TMPRSS11D: variants seen among roughly 807,000 people sequenced by gnomAD.
TMPRSS11D encodes transmembrane protease serine 11D.
Under a neutral mutation model 44.4 loss-of-function variants are expected in TMPRSS11D, and 32 were observed. That is an observed-to-expected ratio of 0.72 (90% CI 0.54 to 0.97). TMPRSS11D has a LOEUF of 0.97. Ranked by LOEUF, TMPRSS11D falls within the 50% of genes least tolerant of loss-of-function variation. The pLI is 0.00. For synonymous variants in TMPRSS11D, 179 were observed against 177.9 expected, an observed-to-expected ratio of 1.01 and a Z score of -0.05; for missense variants, 446 against 502.6, an observed-to-expected ratio of 0.89 and a Z score of 1.08.
At position 67,844,987 on chromosome 4, in the gene TMPRSS11D, A is replaced by T. The variant is rs116405241; in HGVS notation, c.250-2362T>A. 7.0e-3 allele frequency among the ~76,000 whole-genome samples: 1,069 copies of T among 152,236 alleles called. 18 individuals are homozygous for T. The highest frequency in any genetic ancestry group is 0.025 in the African/African-American group (1,023 of 41,538). ...CTTGACTTTAATCGAAGTAGAAAAA[A>T]CTGTCACAAAGCTGAAGGAATTGTT... On this transcript the variant is annotated intron_variant, in intron 3 of 9. Coordinates refer to ENST00000283916, the MANE Select transcript of TMPRSS11D (RefSeq NM_004262.3).
At chr4:67,836,170 C>T (rs1718082716) in intron 5 of TMPRSS11D, among the ~76,000 whole-genome samples, 1 of 152,120 alleles carries the variant, frequency 6.6e-6, no homozygotes. Flanking sequence ...CCTCCTCACT[C>T]CTTTTGGTAC....
intron 9 of TMPRSS11D, among the ~76,000 whole-genome samples, chr4:67,825,511 A>G (rs1717769462): frequency 6.6e-6 from 1 of 152,060 alleles, no homozygotes; most frequent in South Asian, 2.1e-4. Context: ...TGAGCTTTGG[A>G]TGGTTAACTA....
At position 67,833,386 on chromosome 4, in the gene TMPRSS11D, T is replaced by A; in HGVS notation, c.515-5A>T. On this transcript the variant is annotated splice_polypyrimidine_tract_variant and splice_region_variant and intron_variant, in intron 6 of 9. Coordinates refer to ENST00000283916, the MANE Select transcript of TMPRSS11D (RefSeq NM_004262.3). ...GGTCTGGACCGGCCCCACATTCTAA[T>A]GAGAAAGGGCATTAATGTGCTGGGA... The A allele has an allele frequency of 6.7e-7, 1 of 1,485,754 alleles. No individual in the cohort carries two copies. The highest frequency in any genetic ancestry group is 9.0e-7 in the Non-Finnish European group (1 of 1,115,626). 92.0% of individuals were successfully genotyped at this position (1,485,754 alleles called of 1,614,324 possible). A position where few individuals can be genotyped will look rare whatever the true frequency, so the allele number is the denominator to read the frequency against.
chr4:67,869,849 A>G (rs895854766), intron 1 of TMPRSS11D, among the ~76,000 whole-genome samples: 1 of 152,344 alleles, frequency 6.6e-6, no homozygotes, highest in Admixed American at 6.5e-5. Context: ...AATGAGACCA[A>G]GGTCAAAGGT....
At chr4:67,827,163 AT>A (rs1174947535) in intron 8 of TMPRSS11D, 97 bp downstream of exon 8, 34 of 1,462,208 alleles carry the variant, frequency 2.3e-5, no homozygotes, top group Non-Finnish European at 2.8e-5. Context: ...CTGTAGAAGA[AT>A]AGAAACACCT....
chr4:67,866,645 A>T, intron 1 of TMPRSS11D, among the ~76,000 whole-genome samples: 1 of 152,136 alleles, frequency 6.6e-6, no homozygotes, highest in East Asian at 1.9e-4. Flanking sequence ...ATGTCTCGGG[A>T]TACAAAATCA....
intron 3 of TMPRSS11D, among the ~76,000 whole-genome samples, chr4:67,851,852 A>T (rs1718518043): frequency 6.6e-6 from 1 of 152,134 alleles, no homozygotes; most frequent in Non-Finnish European, 1.5e-5. Context: ...TCCTACCTTA[A>T]GCCCATCCTT....
intron 3 of TMPRSS11D, among the ~76,000 whole-genome samples, chr4:67,843,023 G>A (rs1718267328): frequency 6.6e-6 from 1 of 151,518 alleles, no homozygotes; most frequent in African/African-American, 2.4e-5. Context: ...TGCTTTTAAT[G>A]GATGAAACCT....
chr4:67,830,050 C>A (rs939161650), intron 7 of TMPRSS11D, among the ~76,000 whole-genome samples: 2 of 151,918 alleles, frequency 1.3e-5, no homozygotes, highest in African/African-American at 4.8e-5. Context: ...GGTCATGCAA[C>A]CTAATTGGAT....
chr4:67,870,916 CTTATT>C (rs1277284582), intron 1 of TMPRSS11D, among the ~76,000 whole-genome samples: 2 of 151,890 alleles, frequency 1.3e-5, no homozygotes, highest in African/African-American at 4.8e-5. Context: ...CCACAATTTA[CTTATT>C]TTGTTTGTTA....
chr4:67,832,498 G>A (rs539337172), intron 7 of TMPRSS11D, among the ~76,000 whole-genome samples: 1 of 151,982 alleles, frequency 6.6e-6, no homozygotes, highest in African/African-American at 2.4e-5. Context: ...TATCACCCTA[G>A]TGTTGGCAAT....
At chr4:67,827,637 T>A (rs558061297) in intron 7 of TMPRSS11D, 117 bp from the exon 8 acceptor site, 14 of 1,153,120 alleles carry the variant, frequency 1.2e-5, no homozygotes, top group Non-Finnish European at 1.6e-5. Context: ...CACATCTCTT[T>A]GCTATATTTT....
intron 1 of TMPRSS11D, among the ~76,000 whole-genome samples, chr4:67,870,784 A>C (rs1221418630): frequency 6.9e-6 from 1 of 144,390 alleles, no homozygotes; most frequent in East Asian, 2.0e-4. Flanking sequence ...ACTGCATTCC[A>C]GCTTGGGTAA....
At chr4:67,850,152 A>G (rs1164665080) in intron 3 of TMPRSS11D, among the ~76,000 whole-genome samples, 1 of 152,176 alleles carries the variant, frequency 6.6e-6, no homozygotes, top group Non-Finnish European at 1.5e-5. Context: ...AAGAGATTAG[A>G]GTACAGAAAA....
At chr4:67,860,588 G>A (rs376356479) in intron 1 of TMPRSS11D, among the ~76,000 whole-genome samples, 10 of 152,036 alleles carry the variant, frequency 6.6e-5, no homozygotes, top group African/African-American at 2.4e-4. Flanking sequence ...TCATGCCTAT[G>A]TTTAACATAG....
intron 1 of TMPRSS11D, among the ~76,000 whole-genome samples, chr4:67,870,412 C>G (rs1343238490): frequency 6.6e-6 from 1 of 152,206 alleles, no homozygotes; most frequent in Admixed American, 6.5e-5. Flanking sequence ...CTTCCGTCTG[C>G]CTGGAACACT....
At chr4:67,877,630 C>T (rs1245213677) in intron 1 of TMPRSS11D, among the ~76,000 whole-genome samples, 1 of 152,128 alleles carries the variant, frequency 6.6e-6, no homozygotes, top group Non-Finnish European at 1.5e-5. Flanking sequence ...CAAATAGGCC[C>T]TTTTCTGGCA....
intron 1 of TMPRSS11D, among the ~76,000 whole-genome samples, chr4:67,874,572 G>A (rs1719138358): frequency 6.6e-6 from 1 of 152,140 alleles, no homozygotes; most frequent in Non-Finnish European, 1.5e-5. Flanking sequence ...TGTTAAAAAT[G>A]TTGGAGATGG....
intron 2 of TMPRSS11D, among the ~76,000 whole-genome samples, chr4:67,857,356 G>GGAATACTA (rs1560545307): frequency 2.2e-5 from 3 of 139,384 alleles, no homozygotes; most frequent in African/African-American, 8.1e-5. Context: ...CATACACAAT[G>GGAATACTA]GAATACTATT....
Sources: allele counts gnomAD v4.1 joint callset (sites outside exome capture counted in the v4.1 genomes callset), GRCh38; gene constraint gnomAD v4.1.1; transcripts MANE v1.5; gene names NCBI Gene and HGNC (gene_info 2026-07-23, HGNC 2026-07-21).